The following DLGAP2 variants were observed in gnomAD, a reference collection of about 807,000 sequenced individuals.
The protein encoded by DLGAP2 is DLG associated protein 2, also known as disks large-associated protein 2.
A neutral mutation model predicts 100.3 loss-of-function variants in DLGAP2; 26 were observed. The observed-to-expected ratio is 0.26, with a 90% confidence interval of 0.19 to 0.36. The LOEUF (loss-of-function observed/expected upper bound fraction) is 0.36. Among genes scored for constraint, DLGAP2 ranks in the 10% least tolerant of loss-of-function variants. The pLI is 1.00. For missense variants in DLGAP2, 1,858 were observed against 1,453.2 expected (o/e 1.28, Z -4.53); for synonymous variants, 886 against 630.1 (o/e 1.41, Z -6.08).
At chr8:1,366,601 C>T (rs1301343678) in intron 3 of DLGAP2, among the ~76,000 whole-genome samples, 1 of 152,076 alleles carries the variant, frequency 6.6e-6, no homozygotes, top group Non-Finnish European at 1.5e-5. Context: ...GAGCAGTGTA[C>T]AGGGGCACAG....
intron 3 of DLGAP2, among the ~76,000 whole-genome samples, chr8:1,319,761 C>T (rs1471462197): frequency 2.6e-5 from 4 of 152,120 alleles, no homozygotes; most frequent in Non-Finnish European, 4.4e-5. Context: ...GGACAGTTTC[C>T]AGGCAGGGAG....
At chr8:1,156,299 A>C (rs956718091) in intron 2 of DLGAP2, among the ~76,000 whole-genome samples, 5 of 152,078 alleles carry the variant, frequency 3.3e-5, no homozygotes, top group African/African-American at 9.7e-5. Flanking sequence ...AGGAGAGCCA[A>C]AGCCACTCCT....
intron 2 of DLGAP2, among the ~76,000 whole-genome samples, chr8:1,044,612 CA>C (rs1023543880): frequency 2.6e-5 from 4 of 152,234 alleles, no homozygotes; most frequent in Admixed American, 2.6e-4. Context: ...GTTTCTCCCG[CA>C]TGTATCCCAG....
chr8:1,097,097 G>A (rs1255645772), intron 2 of DLGAP2, among the ~76,000 whole-genome samples: 2 of 140,330 alleles, frequency 1.4e-5, no homozygotes, highest in Non-Finnish European at 3.1e-5. Context: ...CCTGTGCTCA[G>A]GAGAGTCAAG....
intron 2 of DLGAP2, among the ~76,000 whole-genome samples, chr8:1,185,406 C>G (rs1374537050): frequency 6.6e-6 from 1 of 152,030 alleles, no homozygotes; most frequent in Non-Finnish European, 1.5e-5. Context: ...AAGGTGACCC[C>G]TAAGGCCGGT....
chr8:1,377,679 C>T (rs548757617), intron 3 of DLGAP2, among the ~76,000 whole-genome samples: 1 of 152,330 alleles, frequency 6.6e-6, no homozygotes, highest in East Asian at 1.9e-4. Context: ...GCCTTGCCAG[C>T]GTGGGGGTCA....
chr8:1,296,521 G>A (rs983046406), intron 3 of DLGAP2, among the ~76,000 whole-genome samples: 1 of 144,832 alleles, frequency 6.9e-6, no homozygotes, highest in Non-Finnish European at 1.5e-5. Flanking sequence ...GCTGATCTTT[G>A]TCGCTGCCTA....
intron 2 of DLGAP2, among the ~76,000 whole-genome samples, chr8:1,044,388 T>C (rs1159601193): frequency 6.6e-6 from 1 of 152,198 alleles, no homozygotes; most frequent in African/African-American, 2.4e-5. Context: ...CCTCCATCTC[T>C]CCTCCACCTG....
At chr8:895,060 G>A (rs1220911799) in intron 1 of DLGAP2, among the ~76,000 whole-genome samples, 1 of 149,822 alleles carries the variant, frequency 6.7e-6, no homozygotes, top group African/African-American at 2.5e-5. Flanking sequence ...TGGGTGTGGG[G>A]AGTCAGCTGG....
intron 2 of DLGAP2, among the ~76,000 whole-genome samples, chr8:1,203,784 A>G (rs989362634): frequency 6.6e-6 from 1 of 152,168 alleles, no homozygotes; most frequent in African/African-American, 2.4e-5. Flanking sequence ...AATGCAGCCA[A>G]TGTCACCTAA....
intron 6 of DLGAP2, among the ~76,000 whole-genome samples, chr8:1,614,609 C>T (rs1797089371): frequency 1.3e-5 from 2 of 152,234 alleles, no homozygotes; most frequent in South Asian, 4.1e-4. Flanking sequence ...CCAGGCGGAG[C>T]CCCCTGTGGC....
At chr8:798,347 A>G (rs111348920) in intron 1 of DLGAP2, among the ~76,000 whole-genome samples, 1 of 129,072 alleles carries the variant, frequency 7.7e-6, no homozygotes, top group African/African-American at 3.0e-5. Context: ...ACGCTTGTTG[A>G]GTCAGGACCT....
At chr8:1,201,224 G>A (rs959644097) in intron 2 of DLGAP2, among the ~76,000 whole-genome samples, 4 of 152,208 alleles carry the variant, frequency 2.6e-5, no homozygotes, top group African/African-American at 7.2e-5. Flanking sequence ...CAGAACCAGG[G>A]GTGCATGCAC....
At chr8:1,279,818 C>T (rs1007430821) in intron 3 of DLGAP2, among the ~76,000 whole-genome samples, 1 of 152,198 alleles carries the variant, frequency 6.6e-6, no homozygotes, top group African/African-American at 2.4e-5. Flanking sequence ...ACCACATCAC[C>T]CACTCACGGG....
intron 3 of DLGAP2, among the ~76,000 whole-genome samples, chr8:1,357,807 C>G (rs771785975): frequency 6.6e-6 from 1 of 152,194 alleles, no homozygotes; most frequent in African/African-American, 2.4e-5. Context: ...TTCAGACATA[C>G]GCTGGGGCTC....
intron 3 of DLGAP2, among the ~76,000 whole-genome samples, chr8:1,365,381 A>G (rs1802086388): frequency 6.6e-6 from 1 of 152,106 alleles, no homozygotes; most frequent in Non-Finnish European, 1.5e-5. Flanking sequence ...AGATGCTTGG[A>G]TTCCTGCCTC....
At chr8:1,594,638 G>C (rs1796393455) in intron 6 of DLGAP2, among the ~76,000 whole-genome samples, 1 of 152,116 alleles carries the variant, frequency 6.6e-6, no homozygotes, top group African/African-American at 2.4e-5. Context: ...TGGCCAGGCT[G>C]ATCCTGAACT....
chr8:754,087 A>T (rs921215724), intron 1 of DLGAP2: 7 of 152,228 alleles, frequency 4.6e-5, no homozygotes, highest in Admixed American at 2.0e-4. Context: ...GCACCGCTCC[A>T]CGTGGGGAGT....
intron 2 of DLGAP2, among the ~76,000 whole-genome samples, chr8:1,209,636 G>T (rs1227075085): frequency 6.6e-6 from 1 of 152,202 alleles, no homozygotes; most frequent in African/African-American, 2.4e-5. Flanking sequence ...TTAGTCTTAG[G>T]TGATGTCATG....
Sources: allele counts gnomAD v4.1 joint callset (sites outside exome capture counted in the v4.1 genomes callset), GRCh38; gene constraint gnomAD v4.1.1; transcripts MANE v1.5; gene names NCBI Gene and HGNC (gene_info 2026-07-23, HGNC 2026-07-21).